Variants in CHSY3 observed in about 807,000 individuals in gnomAD.
CHSY3 encodes the protein chondroitin sulfate synthase 3.
A neutral mutation model predicts 67.2 loss-of-function variants in CHSY3; 35 were observed. That is an observed-to-expected ratio of 0.52 (90% confidence interval 0.40 to 0.69). The LOEUF (loss-of-function observed/expected upper bound fraction) is 0.69. Among genes scored for constraint, CHSY3 ranks in the 30% least tolerant of loss-of-function variants. The pLI is 0.00. For synonymous variants in CHSY3, 474 were observed against 434.7 expected (o/e 1.09, Z -1.12); for missense variants, 1,069 against 1,138.5 (o/e 0.94, Z 0.88).
At chr5:130,035,758 A>G (rs1297372071) in intron 2 of CHSY3, among the ~76,000 whole-genome samples, 6 of 152,148 alleles carry the variant, frequency 3.9e-5, no homozygotes, top group African/African-American at 1.4e-4. Context: ...TTCAAATTCA[A>G]ATGACAAGAT....
At chr5:129,982,731 G>T (rs1023715787) in intron 2 of CHSY3, among the ~76,000 whole-genome samples, 1 of 151,930 alleles carries the variant, frequency 6.6e-6, no homozygotes, top group Non-Finnish European at 1.5e-5. Context: ...ATCAAAAGCA[G>T]CACTCATAGA....
chr5:130,012,913 C>T (rs1195370513), intron 2 of CHSY3, among the ~76,000 whole-genome samples: 4 of 152,128 alleles, frequency 2.6e-5, no homozygotes, highest in South Asian at 2.1e-4. Context: ...TTCAAAGTCT[C>T]GTCTGAGACA....
In CHSY3 at chr5:130,157,719, G is replaced by C. The variant is rs185406677; in HGVS notation, c.1087-26510G>C. ...AAAGAATTCGAGGTGAATCCATAGG[G>C]TAAAGTGAAAGCAAGTTTATTTAAA... is the stretch of plus-strand genomic sequence containing the variant. On this transcript the variant is annotated intron_variant, in intron 2 of 2. Coordinates refer to ENST00000305031, the MANE Select transcript of CHSY3 (RefSeq NM_175856.5). Among the ~76,000 whole-genome samples, 10 of 146,970 alleles carry C rather than the reference G, an allele frequency of 6.8e-5. No individual in the cohort carries two copies. The East Asian group carries it at 1.8e-3, about 27-fold the overall frequency.
At chr5:130,131,612 A>G (rs1301611756) in intron 2 of CHSY3, among the ~76,000 whole-genome samples, 6 of 152,188 alleles carry the variant, frequency 3.9e-5, no homozygotes, top group East Asian at 1.9e-4. Flanking sequence ...AAACCTGTCC[A>G]AGTTAATCCA....
chr5:130,123,210 A>G (rs150231029), intron 2 of CHSY3, among the ~76,000 whole-genome samples: 6 of 152,224 alleles, frequency 3.9e-5, no homozygotes, highest in Non-Finnish European at 7.3e-5. Context: ...AAACATTTCT[A>G]TTGAGCCCCA....
At chr5:130,095,737 G>T (rs1207100587) in intron 2 of CHSY3, among the ~76,000 whole-genome samples, 1 of 152,190 alleles carries the variant, frequency 6.6e-6, no homozygotes, top group Non-Finnish European at 1.5e-5. Context: ...GCAAAAACAG[G>T]ATATTTGCAT....
intron 2 of CHSY3, among the ~76,000 whole-genome samples, chr5:129,946,757 A>C (rs887641836): frequency 2.0e-5 from 3 of 152,140 alleles, no homozygotes; most frequent in African/African-American, 7.2e-5. Flanking sequence ...AAATGGCAAG[A>C]TATCCCCCTT....
At chr5:129,973,508 T>C (rs1288953920) in intron 2 of CHSY3, among the ~76,000 whole-genome samples, 4 of 152,288 alleles carry the variant, frequency 2.6e-5, no homozygotes, top group Middle Eastern at 3.4e-3. Flanking sequence ...TTAAAGATAA[T>C]TAAGTGCAAT....
chr5:130,141,021 A>T, intron 2 of CHSY3: 2 of 314,282 alleles, frequency 6.4e-6, no homozygotes, highest in Non-Finnish European at 1.0e-5. Context: ...CAGATCCATG[A>T]TATTGTCCTG....
At chr5:130,001,368 T>C in intron 2 of CHSY3, 1 of 866,338 alleles carries the variant, frequency 1.2e-6, no homozygotes, top group Non-Finnish European at 1.4e-6. Flanking sequence ...AAAATTCTTC[T>C]TCCTCCTACT....
intron 2 of CHSY3, among the ~76,000 whole-genome samples, chr5:129,988,279 A>G (rs1319504648): frequency 1.3e-5 from 2 of 152,206 alleles, no homozygotes; most frequent in Admixed American, 1.3e-4. Context: ...CACTCAGGTG[A>G]TGAGTATGCA....
At chr5:130,118,077 T>A (rs2149707421) in intron 2 of CHSY3, among the ~76,000 whole-genome samples, 1 of 152,264 alleles carries the variant, frequency 6.6e-6, no homozygotes, top group African/African-American at 2.4e-5. Flanking sequence ...GTGACATGCC[T>A]GCTCCCTCTT....
intron 2 of CHSY3, among the ~76,000 whole-genome samples, chr5:130,178,247 A>ATTTTT (rs1356162457): frequency 1.4e-5 from 1 of 69,262 alleles, no homozygotes; most frequent in African/African-American, 7.7e-5. Context: ...ATATATATAT[A>ATTTTT]TATATATTTT....
intron 2 of CHSY3, among the ~76,000 whole-genome samples, chr5:130,143,196 T>C (rs1387674644): frequency 6.6e-6 from 1 of 152,164 alleles, no homozygotes; most frequent in Non-Finnish European, 1.5e-5. Flanking sequence ...CTCCAGACTA[T>C]TTGTTTCCTT....
At chr5:130,048,788 T>C (rs1012590882) in intron 2 of CHSY3, among the ~76,000 whole-genome samples, 1 of 151,992 alleles carries the variant, frequency 6.6e-6, no homozygotes, top group Non-Finnish European at 1.5e-5. Flanking sequence ...AGGATAAATA[T>C]TAAGAAAGCA....
At chr5:129,945,771 A>T (rs1474398975) in intron 2 of CHSY3, among the ~76,000 whole-genome samples, 1 of 152,310 alleles carries the variant, frequency 6.6e-6, no homozygotes, top group East Asian at 1.9e-4. Flanking sequence ...GCATATAAAA[A>T]TGTTTGTGGG....
chr5:130,010,858 C>T (rs1243504108), intron 2 of CHSY3, among the ~76,000 whole-genome samples: 1 of 152,018 alleles, frequency 6.6e-6, no homozygotes, highest in Non-Finnish European at 1.5e-5. Context: ...TCTAAGCACA[C>T]ATAGTAGAAA....
intron 2 of CHSY3, among the ~76,000 whole-genome samples, chr5:130,061,016 T>A (rs1398309054): frequency 6.6e-6 from 1 of 151,986 alleles, no homozygotes; most frequent in African/African-American, 2.4e-5. Context: ...CTCAGTGAAA[T>A]CCCTCTAAAA....
At chr5:129,912,264 GA>G (rs892184611) in intron 2 of CHSY3, among the ~76,000 whole-genome samples, 2 of 151,968 alleles carry the variant, frequency 1.3e-5, no homozygotes, top group South Asian at 2.1e-4. Flanking sequence ...TCTACATAAG[GA>G]AAAAAATTAC....
Sources: allele counts gnomAD v4.1 joint callset (sites outside exome capture counted in the v4.1 genomes callset), GRCh38; gene constraint gnomAD v4.1.1; transcripts MANE v1.5; gene names NCBI Gene and HGNC (gene_info 2026-07-23, HGNC 2026-07-21).